KAZN: variants seen among roughly 807,000 people sequenced by gnomAD.
KAZN encodes the protein kazrin, periplakin interacting protein.
A neutral mutation model predicts 87.4 loss-of-function variants in KAZN; 40 were observed. That is an observed-to-expected ratio of 0.46 (90% CI 0.36 to 0.60). The LOEUF is 0.60. Among genes scored for constraint, KAZN ranks in the 20% least tolerant of loss-of-function variants. The probability of loss-of-function intolerance (pLI) is 0.00; values close to 1 mark genes in which losing one functional copy is unlikely to be tolerated. For missense variants in KAZN, 898 were observed against 1,073.9 expected (o/e 0.84, Z 2.29); for synonymous variants, 466 against 458.3 (o/e 1.02, Z -0.22).
intron 1 of KAZN, among the ~76,000 whole-genome samples, chr1:14,804,621 C>A (rs536592077): frequency 6.6e-6 from 1 of 152,336 alleles, no homozygotes; most frequent in East Asian, 1.9e-4. Flanking sequence ...CCCCGATGTA[C>A]CCAATCCTCA....
chr1:14,910,341 C>T (rs1314344803), intron 1 of KAZN, among the ~76,000 whole-genome samples: 1 of 152,174 alleles, frequency 6.6e-6, no homozygotes, highest in Non-Finnish European at 1.5e-5. Flanking sequence ...GGTGCCCTAC[C>T]AACTCCTCCG....
chr1:14,660,259 G>A (rs150715320), intron 1 of KAZN, among the ~76,000 whole-genome samples: 4 of 152,280 alleles, frequency 2.6e-5, no homozygotes, highest in African/African-American at 7.2e-5. Context: ...GCTACTAGGG[G>A]CCTGAAACAA....
intron 1 of KAZN, among the ~76,000 whole-genome samples, chr1:14,834,263 T>C (rs1020109745): frequency 2.0e-5 from 3 of 151,950 alleles, no homozygotes; most frequent in Non-Finnish European, 4.4e-5. Flanking sequence ...CTTGAACTCC[T>C]GACCTCAGGC....
intron 4 of KAZN, among the ~76,000 whole-genome samples, chr1:15,046,596 G>A (rs1267441244): frequency 6.6e-6 from 1 of 152,222 alleles, no homozygotes; most frequent in African/African-American, 2.4e-5. Flanking sequence ...TTGGCACCGG[G>A]CCTGGATTCC....
chr1:14,960,110 T>C (rs1663662158), intron 1 of KAZN, among the ~76,000 whole-genome samples: 1 of 152,178 alleles, frequency 6.6e-6, no homozygotes, highest in Non-Finnish European at 1.5e-5. Flanking sequence ...GGGTATGTGT[T>C]TTGCAAAATG....
chr1:14,824,455 T>C (rs1331584909), intron 1 of KAZN, among the ~76,000 whole-genome samples: 1 of 152,132 alleles, frequency 6.6e-6, no homozygotes, highest in Non-Finnish European at 1.5e-5. Flanking sequence ...GTTAAAGGAA[T>C]GGAGAATTCA....
At chr1:14,579,978 G>T (rs1005523670) in intron 2 of KAZN, among the ~76,000 whole-genome samples, 7 of 152,042 alleles carry the variant, frequency 4.6e-5, no homozygotes, top group Non-Finnish European at 7.4e-5. Context: ...AGTGGGAGGG[G>T]GGTTGGGGAA....
intron 1 of KAZN, among the ~76,000 whole-genome samples, chr1:13,930,895 G>A (rs936634682): frequency 3.3e-5 from 5 of 152,162 alleles, no homozygotes; most frequent in African/African-American, 1.2e-4. Flanking sequence ...GGGGGTCCTG[G>A]ACTGACCCCT....
At chr1:15,105,618 A>C (rs1263265842) in intron 13 of KAZN, among the ~76,000 whole-genome samples, 1 of 151,604 alleles carries the variant, frequency 6.6e-6, no homozygotes, top group Non-Finnish European at 1.5e-5. Flanking sequence ...CAGAGCCCAG[A>C]TTTGACCTTG....
intron 2 of KAZN, among the ~76,000 whole-genome samples, chr1:14,444,234 T>C (rs1666851764): frequency 1.3e-5 from 2 of 151,890 alleles, no homozygotes; most frequent in South Asian, 2.1e-4. Context: ...GCAGCAGTGA[T>C]CCTTACCTGA....
intron 2 of KAZN, among the ~76,000 whole-genome samples, chr1:14,560,044 C>T (rs995275370): frequency 9.2e-5 from 14 of 152,182 alleles, no homozygotes; most frequent in African/African-American, 2.9e-4. Context: ...GTTATGCCCT[C>T]CCTTCTCTTT....
intron 2 of KAZN, among the ~76,000 whole-genome samples, chr1:14,459,668 C>G (rs532875497): frequency 6.6e-6 from 1 of 152,240 alleles, no homozygotes; most frequent in East Asian, 1.9e-4. Flanking sequence ...ATGTAAGCTG[C>G]AGCAGGAGAT....
At position 15,099,748 on chromosome 1, in the gene KAZN, A is replaced by G. The variant is rs1192727926; in HGVS notation, c.1548-1795A>G. ...ACGGTCACACTGACATTTTAAAAGGACCCCCTGGTGGTCCTGGGGGATGCG... is the reference window on the plus strand; with the variant it reads ...ACGGTCACACTGACATTTTAAAAGGGCCCCCTGGTGGTCCTGGGGGATGCG... On this transcript the variant is annotated intron_variant, in intron 10 of 14. Coordinates refer to ENST00000376030, the MANE Select transcript of KAZN (RefSeq NM_201628.3). This position sits in a 1 kb window ranked among gnomAD's most constrained non-coding sequence, Gnocchi z 5.4. 6.6e-6 allele frequency among the ~76,000 whole-genome samples: 1 copy of G among 151,852 alleles called. No individual in the cohort carries two copies.
chr1:13,946,618 G>C (rs1401293828), intron 1 of KAZN, among the ~76,000 whole-genome samples: 1 of 152,068 alleles, frequency 6.6e-6, no homozygotes, highest in Non-Finnish European at 1.5e-5. Context: ...GACAATCCTT[G>C]GGATCCTTAA....
intron 2 of KAZN, among the ~76,000 whole-genome samples, chr1:14,993,597 C>T (rs919323343): frequency 6.6e-6 from 1 of 152,198 alleles, no homozygotes; most frequent in Non-Finnish European, 1.5e-5. Context: ...CCTGCACTCT[C>T]CCCCACTCCC....
At position 14,268,471 on chromosome 1, in the gene KAZN, TA is replaced by T. The variant is rs70997129; in HGVS notation, c.249+87893del. 8.7e-3 allele frequency among the ~76,000 whole-genome samples: 1,228 copies of T among 140,404 alleles called. 7 individuals carry two copies. Among genetic ancestry groups the T allele is most frequent in the Admixed American group, 0.012 (169 of 14,076 alleles). 92.1% of individuals were successfully genotyped at this position (140,404 alleles called of 152,430 possible). On this transcript the variant is annotated intron_variant, in intron 2 of 16. Transcript: ENST00000636203. ...TACAGTAATGGATTTGACACTGTGT[TA>T]AAAAAAAAAAAAAGGAAAAGAAACT... is the stretch of plus-strand genomic sequence containing the variant.
chr1:14,963,955 A>G (rs564801135), intron 2 of KAZN, among the ~76,000 whole-genome samples: 1 of 152,334 alleles, frequency 6.6e-6, no homozygotes, highest in African/African-American at 2.4e-5. Context: ...TGCAAAGGAC[A>G]TGAACTAATT....
chr1:14,675,664 A>G (rs942038013), intron 1 of KAZN, among the ~76,000 whole-genome samples: 45 of 152,074 alleles, frequency 3.0e-4, no homozygotes, highest in African/African-American at 1.1e-3. Flanking sequence ...TACATTTCAG[A>G]GCTGAACTCG....
At chr1:14,491,049 T>C (rs1669621112) in intron 2 of KAZN, among the ~76,000 whole-genome samples, 1 of 152,238 alleles carries the variant, frequency 6.6e-6, no homozygotes, top group Admixed American at 6.5e-5. Context: ...TGTTTATACA[T>C]TTGTTCACAT....
Sources: allele counts gnomAD v4.1 joint callset (sites outside exome capture counted in the v4.1 genomes callset), GRCh38; gene constraint gnomAD v4.1.1; non-coding constraint Gnocchi (gnomAD v3.1); transcripts MANE v1.5; gene names NCBI Gene and HGNC (gene_info 2026-07-23, HGNC 2026-07-21).